The following TENM3 variants were observed in gnomAD, a reference collection of about 807,000 sequenced individuals.
TENM3 encodes teneurin-3.
Under a neutral mutation model 255.1 loss-of-function variants are expected in TENM3, and 63 were observed. The ratio of observed to expected loss-of-function variants is 0.25; its 90% CI spans 0.20 to 0.30. The LOEUF is 0.30. Ranked by LOEUF, TENM3 falls within the 10% of genes least tolerant of loss-of-function variation. The pLI is 1.00. For missense variants in TENM3, 2,929 were observed against 3,461.1 expected (o/e 0.85, Z 3.86); for synonymous variants, 1,306 against 1,322.3 (o/e 0.99, Z 0.27).
At chr4:181,870,341 A>G in the TENM3 span, among the ~76,000 whole-genome samples, 469 of 152,270 alleles carry the variant, frequency 3.1e-3, no homozygotes, top group Non-Finnish European at 3.8e-3. Flanking sequence ...TGGGGATAAT[A>G]CCAAGGAATA....
the TENM3 span, among the ~76,000 whole-genome samples, chr4:182,043,906 C>T: frequency 5.3e-5 from 8 of 152,148 alleles, no homozygotes; most frequent in African/African-American, 1.9e-4. Flanking sequence ...CGCCATCCTC[C>T]CCTTGTCTTG....
In TENM3 at chr4:182,682,282, C is replaced by T. The variant is rs537362032; in HGVS notation, c.2035+268C>T. Among the ~76,000 whole-genome samples the T allele has an allele frequency of 4.7e-4, 71 of 152,274 alleles. 2 individuals are homozygous for T. The South Asian group carries it at 0.015, about 32-fold the overall frequency. ...TGAGATACCATATCTTCTTAACTCTCAATTTATGGAACTACTAACCAAAAC... is the reference window on the plus strand; with the variant it reads ...TGAGATACCATATCTTCTTAACTCTTAATTTATGGAACTACTAACCAAAAC... On this transcript the variant is annotated intron_variant, in intron 11 of 27. Coordinates refer to ENST00000511685, the MANE Select transcript of TENM3 (RefSeq NM_001080477.4).
rs576685391 is a variant in TENM3, at chr4:182,259,823, G to T, written c.-76+16347G>T. On this transcript the variant is annotated intron_variant, in intron 1 of 27. Transcript: ENST00000511685. The stretch of plus-strand genomic sequence containing the variant: ...ACACAATAGATTACTGTAAACTATA[G>T]TTACCCTACTGATCCGTGAAACACT... Among the ~76,000 whole-genome samples, 401 of 152,088 alleles carry T rather than the reference G, an allele frequency of 2.6e-3. 4 individuals are homozygous for T. Among genetic ancestry groups the T allele is most frequent in the African/African-American group, 8.9e-3 (371 of 41,474 alleles).
chr4:182,325,314 T>C (rs1763320506), intron 2 of TENM3, among the ~76,000 whole-genome samples: 1 of 152,244 alleles, frequency 6.6e-6, no homozygotes, highest in Non-Finnish European at 1.5e-5. Context: ...ATGGTTCTTT[T>C]CTTCCCTGCA....
In TENM3 at chr4:182,310,270, A is replaced by C. The variant is rs1049301795; in HGVS notation, c.-75-13676A>C. 2.6e-5 allele frequency among the ~76,000 whole-genome samples: 4 copies of C among 152,200 alleles called. No homozygotes were observed. The South Asian group carries it at 8.3e-4, about 32-fold the overall frequency. On this transcript the variant is annotated intron_variant, in intron 1 of 27. Transcript: ENST00000511685. ...GAGATGGGATTTCACTATGTTGCCT[A>C]GGCTGGTCTCAAACTCCTGGGCTCA...
chr4:182,329,436 T>C (rs1763620143), intron 2 of TENM3, among the ~76,000 whole-genome samples: 1 of 152,146 alleles, frequency 6.6e-6, no homozygotes, highest in African/African-American at 2.4e-5. Flanking sequence ...AGGGTGAGAA[T>C]GCCATCTAAG....
chr4:182,551,219 TAAA>T (rs34487025), intron 3 of TENM3, among the ~76,000 whole-genome samples: 15 of 112,216 alleles, frequency 1.3e-4, no homozygotes, highest in East Asian at 2.6e-4. Flanking sequence ...AGACTCCATC[TAAA>T]AAAAAAAAAA....
At chr4:182,189,737 G>T (rs912847758) in intron 1 of TENM3, among the ~76,000 whole-genome samples, 1 of 152,174 alleles carries the variant, frequency 6.6e-6, no homozygotes, top group East Asian at 1.9e-4. Context: ...AGGCGTGTGG[G>T]TGTGTGTGTT....
the TENM3 span, among the ~76,000 whole-genome samples, chr4:182,022,311 TACTGCA>T: frequency 1.3e-5 from 2 of 152,110 alleles, no homozygotes; most frequent in Non-Finnish European, 2.9e-5. Flanking sequence ...GAAAATCAAA[TACTGCA>T]TGTTCTCACT....
At chr4:182,239,383 A>G (rs1037392492), upstream of TENM3, among the ~76,000 whole-genome samples, 8 of 152,074 alleles carry the variant, frequency 5.3e-5, no homozygotes, top group Admixed American at 4.6e-4. Flanking sequence ...CCGGCCAAAA[A>G]TCTTGCTTAT....
chr4:182,782,508 G>T (rs1411664451), intron 24 of TENM3, among the ~76,000 whole-genome samples: 4 of 101,590 alleles, frequency 3.9e-5, no homozygotes, highest in African/African-American at 1.4e-4. Flanking sequence ...GTGTGGTGTG[G>T]TGCTGAAAAA....
rs921188774 is a variant in TENM3, at chr4:182,464,042, T to C, written c.511+117113T>C. The stretch of plus-strand genomic sequence containing the variant: ...ATAGTAAGGAATAAATGCTCTTAAA[T>C]AGACCAAGAAATTGCTACACTTTTA... On this transcript the variant is annotated intron_variant, in intron 3 of 27. Transcript: ENST00000511685. 1.2e-4 allele frequency among the ~76,000 whole-genome samples: 18 copies of C among 152,326 alleles called. No homozygotes were observed. In the South Asian group the frequency reaches 3.1e-3, roughly 26 times the overall value.
intron 1 of TENM3, among the ~76,000 whole-genome samples, chr4:182,150,121 G>A (rs1750236731): frequency 6.6e-6 from 1 of 151,780 alleles, no homozygotes; most frequent in African/African-American, 2.4e-5. Context: ...CCCTGGGATG[G>A]GATCATATTA....
the TENM3 span, among the ~76,000 whole-genome samples, chr4:181,665,289 A>G: frequency 6.6e-6 from 1 of 152,208 alleles, no homozygotes; most frequent in African/African-American, 2.4e-5. Flanking sequence ...TTAAAATATT[A>G]CTGAAGTAGT....
At chr4:181,788,125 A>G in the TENM3 span, among the ~76,000 whole-genome samples, 4 of 152,144 alleles carry the variant, frequency 2.6e-5, no homozygotes, top group Admixed American at 1.3e-4. Flanking sequence ...AAAATATTTT[A>G]TGGAGTTTGG....
At chr4:181,968,885 T>C in the TENM3 span, among the ~76,000 whole-genome samples, 1 of 152,134 alleles carries the variant, frequency 6.6e-6, no homozygotes, top group Non-Finnish European at 1.5e-5. Context: ...TATATAAATA[T>C]GTGCCTGTGA....
the TENM3 span, among the ~76,000 whole-genome samples, chr4:181,695,777 T>TA: frequency 1.3e-5 from 2 of 152,204 alleles, no homozygotes; most frequent in African/African-American, 4.8e-5. Context: ...CTTTGTAGAT[T>TA]AAAAAACAGG....
the TENM3 span, among the ~76,000 whole-genome samples, chr4:181,664,922 CT>C: frequency 2.6e-4 from 39 of 152,324 alleles, no homozygotes; most frequent in African/African-American, 6.5e-4. Flanking sequence ...GGAATTCTTT[CT>C]TTTTTTAAAA....
chr4:181,448,245 C>A, the TENM3 span, among the ~76,000 whole-genome samples: 1 of 136,702 alleles, frequency 7.3e-6, no homozygotes, highest in Non-Finnish European at 1.5e-5. Flanking sequence ...CGGCTCACTG[C>A]AAGCTCCGCC....
Sources: gnomAD v4.1 joint callset for allele counts (sites outside exome capture counted in the v4.1 genomes callset) on GRCh38, gnomAD v4.1.1 for gene constraint, MANE v1.5 for transcripts, NCBI Gene and HGNC (gene_info 2026-07-23, HGNC 2026-07-21) for gene names.